The following HERC1 variants were observed in gnomAD, a reference collection of about 807,000 sequenced individuals.
HERC1 encodes HECT and RLD domain containing E3 ubiquitin protein ligase family member 1, also known as probable E3 ubiquitin-protein ligase HERC1.
Under a neutral mutation model 554.3 loss-of-function variants are expected in HERC1, and 160 were observed. The observed-to-expected ratio is 0.29, with a 90% CI of 0.25 to 0.33. The LOEUF (loss-of-function observed/expected upper bound fraction) is 0.33, where lower values mean the gene tolerates loss of function less well. HERC1 is among the 10% of genes least tolerant of loss of function. The pLI is 1.00. For missense variants in HERC1, 4,919 were observed against 5,918.5 expected (o/e 0.83, Z 5.54); for synonymous variants, 2,175 against 2,131.7 (o/e 1.02, Z -0.56).
intron 7 of HERC1, among the ~76,000 whole-genome samples, chr15:63,753,741 G>A (rs181379582): frequency 6.6e-6 from 1 of 152,240 alleles, no homozygotes; most frequent in East Asian, 1.9e-4. Flanking sequence ...CATTCATTGT[G>A]TTGTTAATAC....
chr15:63,725,296 T>A lies in HERC1; in HGVS notation c.3564A>T (p.Gln1188His), dbSNP rs748594536. Residue 1188 changes from glutamine to histidine, a missense_variant, in exon 18 of 78, where the codon CAA (glutamine) becomes CAT (histidine). Gln to His is a conservative substitution (Grantham distance 24). Coordinates refer to ENST00000443617, the MANE Select transcript of HERC1 (RefSeq NM_003922.4). ...TGCTGCAGAGAAGCACATTACCCAA[T>A]TGAGGAGTGTCCATTTCTACACCGT... ...FSDGVEMDTP[Q>H]LDKCMSCLLE... The A allele has an allele frequency of 1.2e-6, 2 of 1,612,960 alleles. No homozygotes were observed. Among genetic ancestry groups the A allele is most frequent in the African/African-American group, 1.3e-5 (1 of 74,902 alleles).
intron 48 of HERC1, among the ~76,000 whole-genome samples, chr15:63,656,700 G>C (rs1276739315): frequency 6.6e-6 from 1 of 152,160 alleles, no homozygotes; most frequent in Non-Finnish European, 1.5e-5. Context: ...TCAGAAACCT[G>C]CTTTGGGCTT....
intron 12 of HERC1, 62 bp downstream of exon 12, chr15:63,746,856 T>C (rs1596140346): frequency 1.5e-6 from 2 of 1,378,006 alleles, no homozygotes; most frequent in Non-Finnish European, 1.0e-6. Flanking sequence ...ATATATTGTA[T>C]AGCTAAAATC....
chr15:63,702,987 C>T (rs2072806283), intron 25 of HERC1, among the ~76,000 whole-genome samples: 1 of 151,922 alleles, frequency 6.6e-6, no homozygotes, highest in Non-Finnish European at 1.5e-5. Flanking sequence ...GCCTATAATC[C>T]CAGCTACTCA....
chr15:63,793,849 T>A (rs907818516), intron 1 of HERC1, among the ~76,000 whole-genome samples: 1 of 152,112 alleles, frequency 6.6e-6, no homozygotes, highest in African/African-American at 2.4e-5. Context: ...CTGGGTAAAA[T>A]GAGGCTGAGA....
intron 50 of HERC1, among the ~76,000 whole-genome samples, 190 bp downstream of exon 50, chr15:63,655,552 C>G (rs757837543): frequency 2.0e-5 from 3 of 152,146 alleles, no homozygotes; most frequent in Non-Finnish European, 4.4e-5. Flanking sequence ...TAATCTATAA[C>G]TAAACTAATA....
At chr15:63,748,414 TGAAAG>T (rs2075132303) in intron 10 of HERC1, among the ~76,000 whole-genome samples, 2 of 152,228 alleles carry the variant, frequency 1.3e-5, no homozygotes, top group Admixed American at 6.6e-5. Context: ...TCCACTCACC[TGAAAG>T]CAGAGGGCTG....
intron 1 of HERC1, among the ~76,000 whole-genome samples, chr15:63,782,785 G>GA (rs968987036): frequency 6.6e-6 from 1 of 152,214 alleles, no homozygotes; most frequent in Admixed American, 6.5e-5. Context: ...GGTTCATGGG[G>GA]AAAAGGCCAA....
Position 63,609,000 on chromosome 15 carries a change from G to A in HERC1, c.*81C>T, listed in dbSNP as rs532979088. On this transcript the variant is annotated 3_prime_UTR_variant, in exon 78 of 78. Transcript: ENST00000443617. ...TTTATGTTCTTATAACATCTATGTA[G>A]TTACCATAAAAGTATATCAACATCA... is the stretch of plus-strand genomic sequence containing the variant. 1 of 1,271,026 alleles carries A rather than the reference G, an allele frequency of 7.9e-7. No homozygotes were observed. Among genetic ancestry groups the A allele is most frequent in the African/African-American group, 1.5e-5 (1 of 67,866 alleles). 78.7% of individuals were successfully genotyped at this position (1,271,026 alleles called of 1,614,324 possible).
rs2072163700 is a variant in HERC1, at chr15:63,692,419, C to T, written c.5822G>A (p.Cys1941Tyr). 6.2e-7 allele frequency: 1 copy of T among 1,600,754 alleles called. No individual in the cohort carries two copies. Among genetic ancestry groups the T allele is most frequent in the Admixed American group, 1.8e-5 (1 of 56,096 alleles). ...AGGCAAAGGACATGTACCTGAAGAA[C>T]ATTTCTGAGATGCTATATTTAGAAG... Reference protein sequence around the residue: ...EVLLNIASQKCSSGIPLVGNL... With the variant: ...EVLLNIASQKYSSGIPLVGNL... The change falls in exon 31 of 78, where the codon TGT becomes TAT. Residue 1941 changes from cysteine to tyrosine, a missense_variant. Transcript: ENST00000443617. This position sits in a 1 kb window ranked among gnomAD's most constrained non-coding sequence, Gnocchi z 4.7.
chr15:63,703,143 T>C (rs2072819639), intron 25 of HERC1, among the ~76,000 whole-genome samples: 1 of 151,822 alleles, frequency 6.6e-6, no homozygotes, highest in South Asian at 2.1e-4. Context: ...AAATTTAGCT[T>C]TGATGCCTCT....
intron 1 of HERC1, among the ~76,000 whole-genome samples, chr15:63,814,748 C>T (rs1402856208): frequency 1.3e-5 from 2 of 152,152 alleles, no homozygotes; most frequent in Admixed American, 6.5e-5. Context: ...GGATTACAGG[C>T]GTGAGCCACC....
In HERC1 at chr15:63,734,491, G is replaced by A. The variant is rs1219678787; in HGVS notation, c.2646+233C>T. ...CAGAGTGTCTGGCTTAGTACCATAA[G>A]AAACACTGGAAAAATTAGTCCTTAT... On this transcript the variant is annotated intron_variant, in intron 13 of 77. Transcript: ENST00000443617. The surrounding 1 kb of genome is among the most constrained non-coding windows in gnomAD (Gnocchi z 4.6). Among the ~76,000 whole-genome samples the A allele has an allele frequency of 6.6e-6, 1 of 151,996 alleles. No homozygotes were observed. The highest frequency in any genetic ancestry group is 2.4e-5 in the African/African-American group (1 of 41,388).
At chr15:63,750,526 G>A (rs972779965) in intron 8 of HERC1, among the ~76,000 whole-genome samples, 29 of 152,150 alleles carry the variant, frequency 1.9e-4, no homozygotes, top group African/African-American at 6.8e-4. Flanking sequence ...ATAGATTTTG[G>A]TAAGATTATA....
At position 63,754,899 on chromosome 15, in the gene HERC1, G is replaced by T. The variant is rs115153199; in HGVS notation, c.1631-251C>A. 1.1e-3 allele frequency among the ~76,000 whole-genome samples: 172 copies of T among 152,194 alleles called. 1 individual carries two copies. Among genetic ancestry groups the T allele is most frequent in the African/African-American group, 4.1e-3 (170 of 41,520 alleles). ...ATGCTCCCCTCACAGCACTTACCTTGTGTTGTCCTGTTTCATGCTCATGTT... is the reference window on the plus strand; with the variant it reads ...ATGCTCCCCTCACAGCACTTACCTTTTGTTGTCCTGTTTCATGCTCATGTT... On this transcript the variant is annotated intron_variant, in intron 6 of 77. Transcript: ENST00000443617.
intron 38 of HERC1, 105 bp downstream of exon 38, chr15:63,674,237 A>AAT (rs1244283385): frequency 1.8e-4 from 124 of 694,774 alleles, no homozygotes; most frequent in African/African-American, 3.9e-4. Flanking sequence ...CAAAAAAAAA[A>AAT]TTTTTTTTTT....
At position 63,694,424 on chromosome 15, in the gene HERC1, T is replaced by C; in HGVS notation, c.5368A>G (p.Thr1790Ala). 1.2e-6 allele frequency: 2 copies of C among 1,614,004 alleles called. No individual in the cohort carries two copies. The highest frequency in any genetic ancestry group is 2.2e-5 in the East Asian group (1 of 44,886). ...NVLSQLCGTD[T>A]MLGQPLQLLP... ...AACTGCAGGGGCTGTCCTAGCATGG[T>C]GTCTGTACCACACAACTGTGACAAT... Residue 1790 changes from threonine (T) to alanine (A), a missense_variant, in exon 29 of 78, where the codon ACC (threonine) becomes GCC (alanine). By Grantham distance (58) the Thr-to-Ala change is moderately conservative. Coordinates refer to ENST00000443617, the MANE Select transcript of HERC1 (RefSeq NM_003922.4). This position sits in a 1 kb window ranked among gnomAD's most constrained non-coding sequence, Gnocchi z 4.3.
chr15:63,627,035 A>G (rs539182909), intron 70 of HERC1, among the ~76,000 whole-genome samples: 7 of 152,240 alleles, frequency 4.6e-5, no homozygotes, highest in African/African-American at 1.4e-4. Context: ...CAGAGCTTGA[A>G]CCTTTACCTG....
At chr15:63,632,678 A>T in intron 68 of HERC1, 31 bp downstream of exon 68, 1 of 1,356,734 alleles carries the variant, frequency 7.4e-7, no homozygotes, top group Non-Finnish European at 1.0e-6. Context: ...AATGATGTGT[A>T]CCCAAGCAAA....
Sources: allele counts gnomAD v4.1 joint callset (sites outside exome capture counted in the v4.1 genomes callset), GRCh38; gene constraint gnomAD v4.1.1; non-coding constraint Gnocchi (gnomAD v3.1); transcripts MANE v1.5; gene names NCBI Gene and HGNC (gene_info 2026-07-23, HGNC 2026-07-21).